Variants in FAP observed in about 807,000 individuals in gnomAD.
The protein encoded by FAP is fibroblast activation protein alpha.
FAP carries 110 observed loss-of-function variants against 126.5 expected under a neutral mutation model. That is an observed-to-expected ratio of 0.87 (90% CI 0.74 to 1.02). FAP has a LOEUF of 1.02. Among genes scored for constraint, FAP ranks in the 50% least tolerant of loss-of-function variants. The pLI is 0.00. For synonymous variants in FAP, 334 were observed against 297.3 expected (o/e 1.12, Z -1.27); for missense variants, 919 against 909.2 (o/e 1.01, Z -0.14).
intron 9 of FAP, among the ~76,000 whole-genome samples, chr2:162,217,285 G>A (rs1254351018): frequency 6.6e-6 from 1 of 152,108 alleles, no homozygotes; most frequent in Non-Finnish European, 1.5e-5. Context: ...AATCGCATCC[G>A]ATTCCTTGTG....
chr2:162,193,916 A>T (rs996450175), intron 17 of FAP: 2 of 152,144 alleles, frequency 1.3e-5, no homozygotes, highest in African/African-American at 4.8e-5. Context: ...CATCTGCCTC[A>T]TTGTCCCTGG....
At chr2:162,202,639 T>A (rs1259229234) in intron 14 of FAP, among the ~76,000 whole-genome samples, 5 of 152,238 alleles carry the variant, frequency 3.3e-5, no homozygotes, top group African/African-American at 9.6e-5. Flanking sequence ...ATACTTTTTA[T>A]ATAATTGCCT....
intron 24 of FAP, 76 bp from the exon 25 acceptor site, chr2:162,172,960 T>C: frequency 2.4e-6 from 3 of 1,233,946 alleles, no homozygotes; most frequent in East Asian, 2.3e-5. Flanking sequence ...TGCCTGGAAA[T>C]GAACACCAAC....
chr2:162,242,125 T>C (rs1034528944), intron 2 of FAP, among the ~76,000 whole-genome samples: 1 of 152,144 alleles, frequency 6.6e-6, no homozygotes, highest in East Asian at 1.9e-4. Context: ...ATAAGACCTG[T>C]TATTACTGGA....
At chr2:162,220,660 A>G (rs1277962032) in intron 6 of FAP, among the ~76,000 whole-genome samples, 1 of 152,212 alleles carries the variant, frequency 6.6e-6, no homozygotes, top group Non-Finnish European at 1.5e-5. Context: ...GGGAAATTTC[A>G]AATAGTCTAT....
chr2:162,210,484 G>C (rs1688885116), intron 11 of FAP, among the ~76,000 whole-genome samples: 1 of 151,824 alleles, frequency 6.6e-6, no homozygotes, highest in East Asian at 1.9e-4. Context: ...ATTAGAAAAA[G>C]AAGAACATTC....
intron 11 of FAP, among the ~76,000 whole-genome samples, chr2:162,213,682 T>G (rs949027928): frequency 6.6e-6 from 1 of 152,204 alleles, no homozygotes; most frequent in African/African-American, 2.4e-5. Flanking sequence ...ATATCTGATT[T>G]TCCCAATGTC....
At chr2:162,230,243 GC>G (rs1444065822) in intron 2 of FAP, among the ~76,000 whole-genome samples, 1 of 152,068 alleles carries the variant, frequency 6.6e-6, no homozygotes, top group Non-Finnish European at 1.5e-5. Flanking sequence ...TTGAGATGGT[GC>G]ATTAAGTCAC....
At chr2:162,223,979 A>G (rs1325990719) in intron 5 of FAP, among the ~76,000 whole-genome samples, 1 of 152,058 alleles carries the variant, frequency 6.6e-6, no homozygotes, top group Non-Finnish European at 1.5e-5. Flanking sequence ...TTTTCCTTTC[A>G]TGTTTTACCT....
At chr2:162,239,689 G>C (rs1690270989) in intron 2 of FAP, among the ~76,000 whole-genome samples, 1 of 152,078 alleles carries the variant, frequency 6.6e-6, no homozygotes, top group Non-Finnish European at 1.5e-5. Context: ...CATTTATGAA[G>C]TATTTACTAC....
rs1690436814 is a variant in FAP, at chr2:162,243,398, T to G, written c.-71A>C. Reference sequence around the variant, plus strand: ...TGGGTCACTGGATCTGTGAAAACCGTTGAAAAGGACCAAGTCTGTCTTTGT... The same window carrying G: ...TGGGTCACTGGATCTGTGAAAACCGGTGAAAAGGACCAAGTCTGTCTTTGT... On this transcript the variant is annotated 5_prime_UTR_variant, in exon 1 of 26. Coordinates refer to ENST00000188790, the MANE Select transcript of FAP (RefSeq NM_004460.5). The G allele has an allele frequency of 6.3e-7, 1 of 1,576,968 alleles. No homozygotes were observed. The highest frequency in any genetic ancestry group is 2.0e-5 in the Admixed American group (1 of 51,174).
chr2:162,183,566 G>T, intron 20 of FAP, 98 bp from the exon 21 acceptor site: 1 of 728,772 alleles, frequency 1.4e-6, no homozygotes, highest in Non-Finnish European at 2.4e-6. Flanking sequence ...TAATAGAAAC[G>T]CTACATTTTC....
chr2:162,179,301 G>T lies in FAP; in HGVS notation c.1869+4113C>A, dbSNP rs551822981. On this transcript the variant is annotated intron_variant, in intron 21 of 25. Coordinates refer to ENST00000188790, the MANE Select transcript of FAP (RefSeq NM_004460.5). ...TAGAGCCTATATACACTATTACATA[G>T]AATTTGTGATTTGCCAAATTATTAG... 6.1e-4 allele frequency among the ~76,000 whole-genome samples: 82 copies of T among 133,386 alleles called. 1 individual carries two copies. Among genetic ancestry groups the T allele is most frequent in the Non-Finnish European group, 1.9e-4 (12 of 64,330 alleles). The allele number at this position is 133,386 out of a possible 152,430, so 87.5% of individuals were successfully genotyped here.
intron 3 of FAP, 84 bp from the exon 4 acceptor site, chr2:162,225,661 C>A: frequency 7.3e-7 from 1 of 1,370,174 alleles, no homozygotes; most frequent in South Asian, 1.5e-5. Flanking sequence ...CTCTATTTCA[C>A]AGACCTACTT....
chr2:162,204,589 G>T (rs768355032), intron 12 of FAP, among the ~76,000 whole-genome samples: 68 of 152,300 alleles, frequency 4.5e-4, no homozygotes, highest in Middle Eastern at 3.4e-3. Context: ...AACAAACAAT[G>T]CTCAGGGATT....
At chr2:162,229,264 G>C (rs567005989) in intron 2 of FAP, among the ~76,000 whole-genome samples, 1 of 152,108 alleles carries the variant, frequency 6.6e-6, no homozygotes, top group South Asian at 2.1e-4. Context: ...TCTATGTGTG[G>C]CACATGGTAG....
intron 3 of FAP, 59 bp downstream of exon 3, chr2:162,226,463 TA>T: frequency 1.2e-6 from 1 of 857,410 alleles, no homozygotes; most frequent in African/African-American, 1.7e-5. Context: ...GTATTGGCAC[TA>T]AAATAAAAAC....
At chr2:162,230,732 C>G (rs1412297208) in intron 2 of FAP, among the ~76,000 whole-genome samples, 1 of 152,012 alleles carries the variant, frequency 6.6e-6, no homozygotes, top group East Asian at 1.9e-4. Context: ...ATTCCTAGTA[C>G]TTATCTCAAA....
intron 16 of FAP, among the ~76,000 whole-genome samples, chr2:162,196,587 G>T (rs551988098): frequency 6.6e-6 from 1 of 150,808 alleles, no homozygotes; most frequent in African/African-American, 2.4e-5. Context: ...ACTGGATGAA[G>T]GTGTGATCCT....
Sources: gnomAD v4.1 joint callset for allele counts (sites outside exome capture counted in the v4.1 genomes callset) on GRCh38, gnomAD v4.1.1 for gene constraint, MANE v1.5 for transcripts, NCBI Gene and HGNC (gene_info 2026-07-23, HGNC 2026-07-21) for gene names.